Variants in LIMCH1 observed in about 807,000 individuals in gnomAD.
The protein encoded by LIMCH1 is LIM and calponin homology domains-containing protein 1.
A neutral mutation model predicts 176.5 loss-of-function variants in LIMCH1; 113 were observed. The observed-to-expected ratio is 0.64, with a 90% CI of 0.55 to 0.75. The LOEUF is 0.75. LIMCH1 is among the 30% of genes least tolerant of loss of function. The pLI is 0.00. For missense variants in LIMCH1, 1,674 were observed against 1,814.9 expected, an observed-to-expected ratio of 0.92 and a Z score of 1.41; for synonymous variants, 619 against 645.9, an observed-to-expected ratio of 0.96 and a Z score of 0.63.
intron 23 of LIMCH1, among the ~76,000 whole-genome samples, chr4:41,676,785 A>G (rs763143451): frequency 2.0e-5 from 3 of 152,210 alleles, no homozygotes; most frequent in Non-Finnish European, 4.4e-5. Flanking sequence ...TAGCAGTGGG[A>G]ATGAATTATC....
chr4:41,695,868 G>A (rs1189596825), intron 31 of LIMCH1, among the ~76,000 whole-genome samples: 1 of 152,018 alleles, frequency 6.6e-6, no homozygotes, highest in Non-Finnish European at 1.5e-5. Context: ...GTATAAATAT[G>A]CTTGTATTGG....
At chr4:41,428,583 A>G (rs2061326541) in intron 1 of LIMCH1, among the ~76,000 whole-genome samples, 3 of 152,128 alleles carry the variant, frequency 2.0e-5, no homozygotes, top group South Asian at 4.1e-4. Context: ...ACTTCTAACT[A>G]TTCAGAATGT....
intron 20 of LIMCH1, among the ~76,000 whole-genome samples, chr4:41,664,220 T>C (rs1328319440): frequency 6.6e-6 from 1 of 152,190 alleles, no homozygotes; most frequent in Non-Finnish European, 1.5e-5. Flanking sequence ...GAATGGACCC[T>C]CAATTTGGGT....
intron 18 of LIMCH1, among the ~76,000 whole-genome samples, chr4:41,659,019 T>A (rs1016449220): frequency 6.6e-6 from 1 of 152,234 alleles, no homozygotes; most frequent in African/African-American, 2.4e-5. Context: ...TTAATATTTC[T>A]ACATGTGCAA....
intron 1 of LIMCH1, among the ~76,000 whole-genome samples, chr4:41,581,980 A>G (rs1019662153): frequency 6.6e-6 from 1 of 152,172 alleles, no homozygotes; most frequent in African/African-American, 2.4e-5. Flanking sequence ...TTGTGAATAT[A>G]TATGTCAGAT....
At chr4:41,668,903 G>A (rs1045013011) in intron 21 of LIMCH1, among the ~76,000 whole-genome samples, 8 of 151,778 alleles carry the variant, frequency 5.3e-5, no homozygotes, top group African/African-American at 1.9e-4. Context: ...AAAACCATCA[G>A]ATCTCGTGAG....
chr4:41,377,723 G>A (rs1033988818), intron 1 of LIMCH1, among the ~76,000 whole-genome samples: 42 of 152,290 alleles, frequency 2.8e-4, no homozygotes, highest in African/African-American at 9.6e-4. Flanking sequence ...AGTGAGGGGC[G>A]TTCTTGCTAG....
chr4:41,412,298 G>A (rs1000291222), intron 1 of LIMCH1, among the ~76,000 whole-genome samples: 11 of 152,144 alleles, frequency 7.2e-5, no homozygotes, highest in Non-Finnish European at 1.3e-4. Flanking sequence ...TTGAAAATTA[G>A]AGGATACTAA....
At position 41,415,072 on chromosome 4, in the gene LIMCH1, A is replaced by T. The variant is rs561861556; in HGVS notation, c.96+54136A>T. ...TTGTGATGGTTAATTGAGGTGACGCATGTAAAGGCTTTAGGCTGGTACCTT... is the reference window on the plus strand; with the variant it reads ...TTGTGATGGTTAATTGAGGTGACGCTTGTAAAGGCTTTAGGCTGGTACCTT... On this transcript the variant is annotated intron_variant, in intron 1 of 26. Coordinates refer to the LIMCH1 transcript ENST00000313860. 4.6e-5 allele frequency among the ~76,000 whole-genome samples: 7 copies of T among 152,286 alleles called. No individual in the cohort carries two copies. In the East Asian group the frequency reaches 1.2e-3, roughly 25 times the overall value.
rs557771130 is a variant in LIMCH1, at chr4:41,587,387, C to T, written c.-240-11533C>T. Reference sequence around the variant, plus strand: ...TTGACCCTAGACAGGTCAATATGGGCCTTTTCCTGGGATGTTTTTCAAACT... The same window carrying T: ...TTGACCCTAGACAGGTCAATATGGGTCTTTTCCTGGGATGTTTTTCAAACT... On this transcript the variant is annotated intron_variant, in intron 1 of 31. Coordinates refer to ENST00000503057, the MANE Select transcript of LIMCH1 (RefSeq NM_001330672.2). Among the ~76,000 whole-genome samples, 6 of 152,214 alleles carry T rather than the reference C, an allele frequency of 3.9e-5. No homozygotes were observed. The South Asian group carries it at 1.2e-3, about 32-fold the overall frequency.
At chr4:41,618,583 C>T (rs1054096309) in intron 5 of LIMCH1, among the ~76,000 whole-genome samples, 2 of 152,184 alleles carry the variant, frequency 1.3e-5, no homozygotes, top group African/African-American at 2.4e-5. Flanking sequence ...AGATTGCCTC[C>T]AGCCGTGGGA....
At chr4:41,469,839 G>T (rs1324711731) in intron 1 of LIMCH1, among the ~76,000 whole-genome samples, 1 of 151,898 alleles carries the variant, frequency 6.6e-6, no homozygotes, top group African/African-American at 2.4e-5. Flanking sequence ...CTGCCACCAG[G>T]CTCAGCTAAT....
intron 1 of LIMCH1, among the ~76,000 whole-genome samples, chr4:41,541,165 C>T (rs1479471395): frequency 6.6e-6 from 1 of 152,166 alleles, no homozygotes; most frequent in Non-Finnish European, 1.5e-5. Flanking sequence ...GTATCATCAA[C>T]CTGTGAAATG....
intron 1 of LIMCH1, among the ~76,000 whole-genome samples, chr4:41,543,698 T>C (rs938902338): frequency 1.3e-5 from 2 of 152,182 alleles, no homozygotes; most frequent in African/African-American, 4.8e-5. Flanking sequence ...GTCCCAAACA[T>C]AGCGCCACAG....
chr4:41,372,351 A>G (rs1043367027), intron 1 of LIMCH1, among the ~76,000 whole-genome samples: 3 of 152,066 alleles, frequency 2.0e-5, no homozygotes, highest in Non-Finnish European at 4.4e-5. Flanking sequence ...TGAACTCTGT[A>G]TTTTCCACAA....
intron 1 of LIMCH1, among the ~76,000 whole-genome samples, chr4:41,446,368 GATC>G: frequency 6.6e-6 from 1 of 152,310 alleles, no homozygotes; most frequent in South Asian, 2.1e-4. Context: ...TGTTAAAATA[GATC>G]AAAGACTAGA....
chr4:41,649,396 T>A (rs1045259095), intron 17 of LIMCH1, among the ~76,000 whole-genome samples: 4 of 152,070 alleles, frequency 2.6e-5, no homozygotes, highest in African/African-American at 9.7e-5. Context: ...TGAGACCCCG[T>A]CTCAAAAAAT....
chr4:41,600,463 G>T (rs1350299219), intron 2 of LIMCH1, among the ~76,000 whole-genome samples: 1 of 152,108 alleles, frequency 6.6e-6, no homozygotes, highest in East Asian at 1.9e-4. Flanking sequence ...GTGAAGGAAA[G>T]GTCACTTTGA....
chr4:41,538,801 A>AC (rs1320770709), intron 1 of LIMCH1, among the ~76,000 whole-genome samples: 1 of 152,130 alleles, frequency 6.6e-6, no homozygotes, highest in Non-Finnish European at 1.5e-5. Context: ...TCCTGACTCC[A>AC]CAGCCCCCTT....
Sources: gnomAD v4.1 joint callset for allele counts (sites outside exome capture counted in the v4.1 genomes callset) on GRCh38, gnomAD v4.1.1 for gene constraint, MANE v1.5 for transcripts, NCBI Gene and HGNC (gene_info 2026-07-23, HGNC 2026-07-21) for gene names.